The following TMEM209 variants were observed in gnomAD, a reference collection of about 807,000 sequenced individuals.
TMEM209 encodes the protein transmembrane protein 209, also known as testicular tissue protein Li 202.
A neutral mutation model predicts 76.2 loss-of-function variants in TMEM209; 65 were observed. The observed-to-expected ratio is 0.85, with a 90% confidence interval of 0.70 to 1.05. TMEM209 has a LOEUF of 1.05. Ranked by LOEUF, TMEM209 falls within the 50% of genes least tolerant of loss-of-function variation. The probability of loss-of-function intolerance (pLI) is 0.00; values close to 1 mark genes in which losing one functional copy is unlikely to be tolerated. For synonymous variants in TMEM209, 239 were observed against 237.6 expected, an observed-to-expected ratio of 1.01 and a Z score of -0.06; for missense variants, 623 against 685.5, an observed-to-expected ratio of 0.91 and a Z score of 1.02.
chr7:130,204,103 C>T lies in TMEM209; in HGVS notation c.11G>A (p.Gly4Glu), dbSNP rs1798329566. ...AAGGGAAGCACTAGGGTGTGCCTCC[C>T]CCTGCATCTATGAAAAAACAAAAAG... MMQ[G>E]EAHPSASLID... is the part of the protein sequence containing the mutation. Residue 4 changes from glycine to glutamate, a missense_variant, in exon 2 of 15, where the codon GGG becomes GAG. By Grantham distance (98) the Gly-to-Glu change is moderately conservative (BLOSUM62 -2). Transcript: ENST00000397622. The T allele has an allele frequency of 6.2e-7, 1 of 1,603,868 alleles. No individual in the cohort carries two copies. The highest frequency in any genetic ancestry group is 1.3e-5 in the African/African-American group (1 of 74,424).
At chr7:130,192,548 A>C (rs1797832176) in intron 6 of TMEM209, 74 bp downstream of exon 6, 12 of 1,279,158 alleles carry the variant, frequency 9.4e-6, no homozygotes, top group Non-Finnish European at 1.1e-5. Flanking sequence ...TATGGATATT[A>C]AAATAATGAA....
chr7:130,186,609 C>T (rs546495220), intron 6 of TMEM209, among the ~76,000 whole-genome samples: 18 of 152,242 alleles, frequency 1.2e-4, no homozygotes, highest in East Asian at 1.9e-4. Flanking sequence ...CTTTAAGAAA[C>T]GTAAGTTTTC....
rs758877081 is a variant in TMEM209, at chr7:130,202,582, C to G, written c.281G>C (p.Ser94Thr). The change falls in exon 4 of 15, where the codon AGT (serine) becomes ACT (threonine). Residue 94 changes from serine to threonine, a missense_variant. Transcript: ENST00000397622. ...TTGCTGTCCAGGACTAACAACCAGA[C>G]TTGTTGGTGCCACAGTATATTTGAA... ...RYFKYTVAPTSLVVSPGQQTL... is the reference protein window; with the variant it reads ...RYFKYTVAPTTLVVSPGQQTL... 1.9e-6 allele frequency: 3 copies of G among 1,613,750 alleles called. No homozygotes were observed. Among genetic ancestry groups the G allele is most frequent in the Non-Finnish European group, 2.5e-6 (3 of 1,179,792 alleles).
chr7:130,199,462 C>T (rs188786131), intron 5 of TMEM209, among the ~76,000 whole-genome samples: 26 of 152,246 alleles, frequency 1.7e-4, no homozygotes, highest in Admixed American at 1.6e-3. Context: ...CCTTGTGACC[C>T]GCCTGCCTCG....
At chr7:130,202,251 C>T (rs555551498) in intron 4 of TMEM209, among the ~76,000 whole-genome samples, 160 bp from the exon 5 acceptor site, 83 of 152,276 alleles carry the variant, frequency 5.5e-4, no homozygotes, top group African/African-American at 1.7e-3. Flanking sequence ...ACACAAATTA[C>T]GTGTTTACCA....
Position 130,202,044 on chromosome 7 carries a change from G to C in TMEM209, c.379C>G (p.Pro127Ala). The change falls in exon 5 of 15, where the codon CCC becomes GCC. Residue 127 changes from proline (P) to alanine (A), a missense_variant. Physicochemically the swap from Pro to Ala is conservative, Grantham distance 27. Transcript: ENST00000397622. ...TGAATTGAAGGGGAAGGTGGAGCGG[G>C]AGGGATTTGGGTTGCTGCCAGATCA... is the stretch of plus-strand genomic sequence containing the variant. ...PHDLAATQIPPAPPSPSIQGQ... is the reference protein window; with the variant it reads ...PHDLAATQIPAAPPSPSIQGQ... 3 of 1,613,896 alleles carry C rather than the reference G, an allele frequency of 1.9e-6. No homozygotes were observed. The highest frequency in any genetic ancestry group is 2.5e-6 in the Non-Finnish European group (3 of 1,179,896).
At position 130,204,088 on chromosome 7, in the gene TMEM209, C is replaced by G; in HGVS notation, c.26G>C (p.Ser9Thr). MMQGEAHP[S>T]ASLIDRTIKM... ...GATGGTTCTGTCAATAAGGGAAGCA[C>G]TAGGGTGTGCCTCCCCCTGCATCTA... The change falls in exon 2 of 15, where the codon AGT becomes ACT. Residue 9 changes from serine to threonine, a missense_variant. By Grantham distance (58) the Ser-to-Thr change is moderately conservative. Coordinates refer to ENST00000397622, the MANE Select transcript of TMEM209 (RefSeq NM_032842.4). The G allele has an allele frequency of 2.5e-6, 4 of 1,612,002 alleles. No individual in the cohort carries two copies. Among genetic ancestry groups the G allele is most frequent in the Non-Finnish European group, 3.4e-6 (4 of 1,179,090 alleles).
At position 130,166,302 on chromosome 7, in the gene TMEM209, T is replaced by C. The variant is rs1227982757; in HGVS notation, c.*149A>G. ...GACATATTTTTACAATTACATTTCATAACAGCTACATTTTCTGTTAAATCT... is the reference window on the plus strand; with the variant it reads ...GACATATTTTTACAATTACATTTCACAACAGCTACATTTTCTGTTAAATCT... On this transcript the variant is annotated 3_prime_UTR_variant, in exon 15 of 15. Coordinates refer to ENST00000397622, the MANE Select transcript of TMEM209 (RefSeq NM_032842.4). 2.0e-6 allele frequency: 1 copy of C among 503,924 alleles called. No individual in the cohort carries two copies. The highest frequency in any genetic ancestry group is 3.4e-5 in the East Asian group (1 of 29,358). 31.2% of individuals were successfully genotyped at this position (503,924 alleles called of 1,614,324 possible).
At chr7:130,181,587 A>AAT (rs1562889280) in intron 9 of TMEM209, 36 bp downstream of exon 9, 1 of 1,550,024 alleles carries the variant, frequency 6.5e-7, no homozygotes, top group South Asian at 1.2e-5. Context: ...TAGATTTACT[A>AAT]ATAGAAATCC....
Position 130,202,005 on chromosome 7 carries a change from A to C in TMEM209, c.418T>G (p.Leu140Val). ...GGCGAACGAGAAGGGCTATAACTCA[A>C]CACACTCTGACCCTGAATTGAAGGG... is the stretch of plus-strand genomic sequence containing the variant. ...PSPSIQGQSV[L>V]SYSPSRSPST... Residue 140 changes from leucine (L) to valine (V), a missense_variant, in exon 5 of 15, where the codon TTG (leucine) becomes GTG (valine). Leu to Val is a conservative substitution (Grantham distance 32). Transcript: ENST00000397622. 1 of 1,613,922 alleles carries C rather than the reference A, an allele frequency of 6.2e-7. No individual in the cohort carries two copies. Among genetic ancestry groups the C allele is most frequent in the Non-Finnish European group, 8.5e-7 (1 of 1,179,886 alleles).
chr7:130,168,583 A>C (rs987515762), intron 14 of TMEM209, among the ~76,000 whole-genome samples: 1 of 152,220 alleles, frequency 6.6e-6, no homozygotes, highest in Non-Finnish European at 1.5e-5. Flanking sequence ...GGAAAATTTG[A>C]CATGGGAGAA....
chr7:130,181,838 A>T, intron 8 of TMEM209, 119 bp from the exon 9 acceptor site: 1 of 702,816 alleles, frequency 1.4e-6, no homozygotes, highest in Non-Finnish European at 2.4e-6. Flanking sequence ...TTGAATATTA[A>T]AAGAATCATA....
chr7:130,187,634 T>C (rs797016582), intron 6 of TMEM209, among the ~76,000 whole-genome samples: 1 of 149,116 alleles, frequency 6.7e-6, no homozygotes, highest in African/African-American at 2.5e-5. Context: ...TTGTCTGTCA[T>C]AGGTTGTTGG....
intron 9 of TMEM209, 111 bp downstream of exon 9, chr7:130,181,512 G>C (rs1009656083): frequency 2.2e-5 from 18 of 801,322 alleles, no homozygotes; most frequent in Non-Finnish European, 3.5e-5. Flanking sequence ...ATAGACATTT[G>C]GGGTTTTTCA....
chr7:130,172,754 T>G (rs1056744886), intron 13 of TMEM209, among the ~76,000 whole-genome samples: 3 of 151,996 alleles, frequency 2.0e-5, no homozygotes, highest in African/African-American at 7.2e-5. Flanking sequence ...ATCCCAGCAC[T>G]TTGGGAGGCC....
intron 14 of TMEM209, among the ~76,000 whole-genome samples, chr7:130,170,009 G>A (rs868798400): frequency 5.3e-5 from 8 of 152,112 alleles, no homozygotes; most frequent in South Asian, 4.1e-4. Context: ...TTATGGAACA[G>A]GTACCGACTC....
chr7:130,166,522 A>G lies in TMEM209; in HGVS notation c.1632-17T>C. 1 of 1,492,594 alleles carries G rather than the reference A, an allele frequency of 6.7e-7. No homozygotes were observed. The highest frequency in any genetic ancestry group is 8.9e-7 in the Non-Finnish European group (1 of 1,123,086). The allele number at this position is 1,492,594 out of a possible 1,614,324, so 92.5% of individuals were successfully genotyped here. A position where few individuals can be genotyped will look rare whatever the true frequency, so the allele number is the denominator to read the frequency against. On this transcript the variant is annotated splice_polypyrimidine_tract_variant and intron_variant, in intron 14 of 14. Coordinates refer to ENST00000397622, the MANE Select transcript of TMEM209 (RefSeq NM_032842.4). Reference sequence around the variant, plus strand: ...TTAACTCTCCTATAAAGAGAAAAAAAATTTTTATTAGAATTGGTTGCCAAG... The same window carrying G: ...TTAACTCTCCTATAAAGAGAAAAAAGATTTTTATTAGAATTGGTTGCCAAG...
chr7:130,167,004 A>C (rs189296093), intron 14 of TMEM209, among the ~76,000 whole-genome samples: 2 of 152,194 alleles, frequency 1.3e-5, no homozygotes, highest in African/African-American at 4.8e-5. Context: ...TCCAGAGAGT[A>C]GTATGACTGT....
chr7:130,194,375 AG>A (rs1391858806), intron 5 of TMEM209, among the ~76,000 whole-genome samples: 1 of 151,514 alleles, frequency 6.6e-6, no homozygotes, highest in Non-Finnish European at 1.5e-5. Flanking sequence ...CCCAGGAGTT[AG>A]AGGCTATGGT....
Sources: allele counts gnomAD v4.1 joint callset (sites outside exome capture counted in the v4.1 genomes callset), GRCh38; gene constraint gnomAD v4.1.1; transcripts MANE v1.5; gene names NCBI Gene and HGNC (gene_info 2026-07-23, HGNC 2026-07-21).